DOCK10: variants seen among roughly 807,000 people sequenced by gnomAD.
The protein encoded by DOCK10 is dedicator of cytokinesis protein 10.
A neutral mutation model predicts 280.1 loss-of-function variants in DOCK10; 145 were observed. That is an observed-to-expected ratio of 0.52 (90% CI 0.45 to 0.59). The LOEUF (loss-of-function observed/expected upper bound fraction) is 0.59, where lower values mean the gene tolerates loss of function less well. DOCK10 is among the 20% of genes least tolerant of loss of function. The pLI, the probability that DOCK10 is intolerant of heterozygous loss-of-function variation, is 0.00. For synonymous variants in DOCK10, 915 were observed against 942.2 expected (o/e 0.97, Z 0.53); for missense variants, 2,368 against 2,651.7 (o/e 0.89, Z 2.35).
chr2:224,781,347 A>G (rs1691322167), intron 50 of DOCK10, among the ~76,000 whole-genome samples: 1 of 152,218 alleles, frequency 6.6e-6, no homozygotes, highest in South Asian at 2.1e-4. Flanking sequence ...ATGAATAAGA[A>G]GGAGATGGAG....
intron 11 of DOCK10, among the ~76,000 whole-genome samples, chr2:224,867,227 T>C (rs1697983663): frequency 1.3e-5 from 2 of 152,238 alleles, no homozygotes; most frequent in South Asian, 2.1e-4. Flanking sequence ...ATTTTTAATA[T>C]TGGTAAGTAG....
intron 2 of DOCK10, among the ~76,000 whole-genome samples, chr2:224,921,108 A>ATATAT (rs1553613930): frequency 3.7e-4 from 26 of 71,070 alleles, no homozygotes; most frequent in African/African-American, 2.7e-3. Flanking sequence ...AAAAAAAAAA[A>ATATAT]AAAAATATAT....
chr2:225,018,151 C>G (rs891978686), intron 1 of DOCK10, among the ~76,000 whole-genome samples: 1 of 152,110 alleles, frequency 6.6e-6, no homozygotes, highest in African/African-American at 2.4e-5. Context: ...TTTTATAGTA[C>G]AGTACATCAA....
At position 225,016,796 on chromosome 2, in the gene DOCK10, G is replaced by A. The variant is rs536360733; in HGVS notation, c.123+25456C>T. 2.6e-4 allele frequency among the ~76,000 whole-genome samples: 39 copies of A among 151,466 alleles called. No individual in the cohort carries two copies. The South Asian group carries it at 5.4e-3, about 21-fold the overall frequency. ...CGGCTCACTGCAACCTCCGCCTCCC[G>A]TGTTCAAGCGATTCTCTTGCCTTGG... On this transcript the variant is annotated intron_variant, in intron 1 of 55. Coordinates refer to ENST00000258390, the MANE Select transcript of DOCK10 (RefSeq NM_014689.3).
intron 23 of DOCK10, 79 bp from the exon 24 acceptor site, chr2:224,840,151 C>G: frequency 3.1e-6 from 2 of 646,822 alleles, no homozygotes; most frequent in Non-Finnish European, 5.2e-6. Flanking sequence ...AACTATAAAT[C>G]TATGAGAAGA....
intron 1 of DOCK10, among the ~76,000 whole-genome samples, chr2:225,011,146 G>A (rs927936116): frequency 6.6e-6 from 1 of 152,188 alleles, no homozygotes; most frequent in African/African-American, 2.4e-5. Context: ...CAGCAAGCAA[G>A]TGTTGCCAAA....
At chr2:224,846,500 C>CTT (rs796471168) in intron 19 of DOCK10, among the ~76,000 whole-genome samples, 30 of 129,038 alleles carry the variant, frequency 2.3e-4, no homozygotes, top group South Asian at 4.9e-4. Flanking sequence ...TGACCTCTGG[C>CTT]TTTTTTTTTT....
At position 224,778,123 on chromosome 2, in the gene DOCK10, C is replaced by G; in HGVS notation, c.5802+15G>C. ...TCAATTCTTAGCACTTGCATGAATA[C>G]TGATTTTCCTCTACCTTGTTGGAAT... On this transcript the variant is annotated intron_variant, in intron 51 of 55. Coordinates refer to ENST00000258390, the MANE Select transcript of DOCK10 (RefSeq NM_014689.3). 1 of 1,610,546 alleles carries G rather than the reference C, an allele frequency of 6.2e-7. No individual in the cohort carries two copies. The highest frequency in any genetic ancestry group is 8.5e-7 in the Non-Finnish European group (1 of 1,177,748).
In DOCK10 at chr2:225,032,266, C is replaced by T. The variant is rs1478698181; in HGVS notation, c.123+9986G>A. 3.3e-5 allele frequency among the ~76,000 whole-genome samples: 5 copies of T among 152,026 alleles called. No individual in the cohort carries two copies. In the East Asian group the frequency reaches 9.6e-4, roughly 29 times the overall value. ...TAAAGACTTGGCCAAGGTTATACTG[C>T]CTGGAAACCACTGCTTCCTAATGAT... On this transcript the variant is annotated intron_variant, in intron 1 of 55. Transcript: ENST00000258390.
chr2:224,809,889 A>G (rs1465565746), intron 31 of DOCK10, among the ~76,000 whole-genome samples: 1 of 151,852 alleles, frequency 6.6e-6, no homozygotes, highest in African/African-American at 2.4e-5. Context: ...GATACATTGC[A>G]GCATTATTCA....
At chr2:224,962,781 T>C (rs1224744502) in intron 1 of DOCK10, among the ~76,000 whole-genome samples, 1 of 152,194 alleles carries the variant, frequency 6.6e-6, no homozygotes, top group Non-Finnish European at 1.5e-5. Flanking sequence ...AAGTATATTA[T>C]AATGGATTGC....
chr2:224,766,790 G>A (rs1690101433), intron 55 of DOCK10, among the ~76,000 whole-genome samples: 1 of 152,212 alleles, frequency 6.6e-6, no homozygotes, highest in Non-Finnish European at 1.5e-5. Context: ...TGGCTTCAAA[G>A]AAGGCTTTTA....
In DOCK10 at chr2:224,770,208, C is replaced by T; in HGVS notation, c.6444+3G>A. ...TAGCGCGTGTGCACCAAGGAGCGCTCACCTGCTCATTCATGACTGTGGAGA... is the reference window on the plus strand; with the variant it reads ...TAGCGCGTGTGCACCAAGGAGCGCTTACCTGCTCATTCATGACTGTGGAGA... On this transcript the variant is annotated splice_donor_region_variant and intron_variant, in intron 55 of 55. Transcript: ENST00000258390. The surrounding 1 kb of genome is among the most constrained non-coding windows in gnomAD (Gnocchi z 4.5). 6.4e-7 allele frequency: 1 copy of T among 1,562,002 alleles called. No homozygotes were observed. The highest frequency in any genetic ancestry group is 8.7e-7 in the Non-Finnish European group (1 of 1,155,116).
intron 3 of DOCK10, among the ~76,000 whole-genome samples, chr2:224,911,943 G>A (rs1379116603): frequency 6.6e-6 from 1 of 152,106 alleles, no homozygotes; most frequent in Non-Finnish European, 1.5e-5. Context: ...CCTAAAGCAA[G>A]ACACGCATGA....
At chr2:224,806,312 G>T in intron 33 of DOCK10, 75 bp from the exon 34 acceptor site, 2 of 721,624 alleles carry the variant, frequency 2.8e-6, no homozygotes, top group Non-Finnish European at 2.2e-6. Context: ...TGCCTTCTTC[G>T]TTACACTTCC....
chr2:225,039,966 C>T (rs1268982130), intron 1 of DOCK10, among the ~76,000 whole-genome samples: 1 of 152,118 alleles, frequency 6.6e-6, no homozygotes, highest in African/African-American at 2.4e-5. Context: ...AATACACACC[C>T]GCGGTTCTAT....
intron 1 of DOCK10, among the ~76,000 whole-genome samples, chr2:225,024,061 T>C (rs550117434): frequency 3.9e-5 from 6 of 152,322 alleles, no homozygotes; most frequent in African/African-American, 9.6e-5. Flanking sequence ...TACGACAGCT[T>C]AAATCCAACC....
At chr2:224,787,505 GGCATTTAAAACCCA>G in intron 48 of DOCK10, 108 bp from the exon 49 acceptor site, 1 of 1,405,672 alleles carries the variant, frequency 7.1e-7, no homozygotes, top group Non-Finnish European at 9.8e-7. Context: ...CTCTGTTACT[GGCATTTAAAACCCA>G]GCAGGGGATC....
At chr2:224,826,046 C>A (rs62186322) in intron 27 of DOCK10, among the ~76,000 whole-genome samples, 1,772 of 152,100 alleles carry the variant, frequency 0.012, 18 homozygotes, top group South Asian at 0.019. Context: ...TCAGTGGTTC[C>A]CAGGAAATTG....
Sources: allele counts gnomAD v4.1 joint callset (sites outside exome capture counted in the v4.1 genomes callset), GRCh38; gene constraint gnomAD v4.1.1; non-coding constraint Gnocchi (gnomAD v3.1); transcripts MANE v1.5; gene names NCBI Gene and HGNC (gene_info 2026-07-23, HGNC 2026-07-21).